TPM4: variants seen among roughly 807,000 people sequenced by gnomAD.
TPM4 encodes tropomyosin alpha-4 chain.
TPM4 carries 17 observed loss-of-function variants against 35.8 expected under a neutral mutation model. That is an observed-to-expected ratio of 0.47 (90% CI 0.32 to 0.71). TPM4 has a LOEUF of 0.71. Among genes scored for constraint, TPM4 ranks in the 30% least tolerant of loss-of-function variants. The pLI, the probability that TPM4 is intolerant of heterozygous loss-of-function variation, is 0.03. For synonymous variants in TPM4, 120 were observed against 122.9 expected (o/e 0.98, Z 0.15); for missense variants, 240 against 320.9 (o/e 0.75, Z 1.93).
intron 1 of TPM4, among the ~76,000 whole-genome samples, chr19:16,078,841 A>C (rs1015449212): frequency 1.1e-4 from 16 of 151,780 alleles, no homozygotes; most frequent in Non-Finnish European, 1.8e-4. Flanking sequence ...AAAAAAAAAA[A>C]AAAAAAAACC....
rs2090313381 is a variant in TPM4, at chr19:16,067,850, C to T, written c.114+112C>T. 3.1e-6 allele frequency: 3 copies of T among 983,138 alleles called. No homozygotes were observed. The highest frequency in any genetic ancestry group is 1.7e-5 in the African/African-American group (1 of 58,786). The allele number at this position is 983,138 out of a possible 1,614,324, so 60.9% of individuals were successfully genotyped here. ...CAGACACCTGCGGGAGGATAGGAGG[C>T]TGATGCTTTGGCGGAGGAAGAGCGA... On this transcript the variant is annotated intron_variant, in intron 2 of 2. Transcript: ENST00000589897. The surrounding 1 kb of genome is among the most constrained non-coding windows in gnomAD (Gnocchi z 4.1).
chr19:16,089,885 G>A (rs2090604642), intron 5 of TPM4, among the ~76,000 whole-genome samples: 1 of 151,270 alleles, frequency 6.6e-6, no homozygotes, highest in South Asian at 2.1e-4. Flanking sequence ...TTGAGACAGG[G>A]TCTCACTCTG....
intron 4 of TPM4, 33 bp downstream of exon 4, chr19:16,088,130 C>A: frequency 6.3e-7 from 1 of 1,596,130 alleles, no homozygotes; most frequent in Non-Finnish European, 8.5e-7. Context: ...GCGAGGCTGG[C>A]TCGATTCCTG....
chr19:16,092,434 T>C (rs1468029078), intron 5 of TPM4, among the ~76,000 whole-genome samples: 1 of 152,118 alleles, frequency 6.6e-6, no homozygotes, highest in Admixed American at 6.6e-5. Context: ...AGTTTAGGCC[T>C]TCTGATCAAT....
intron 4 of TPM4, 75 bp from the exon 5 acceptor site, chr19:16,088,970 T>G (rs2090592269): frequency 2.5e-6 from 4 of 1,602,932 alleles, no homozygotes; most frequent in Non-Finnish European, 3.4e-6. Flanking sequence ...TTTGGAAAAT[T>G]TATTGTTGGG....
intron 5 of TPM4, among the ~76,000 whole-genome samples, chr19:16,090,564 C>T (rs2090614313): frequency 6.6e-6 from 1 of 152,114 alleles, no homozygotes; most frequent in Non-Finnish European, 1.5e-5. Flanking sequence ...TCCTGTTCAT[C>T]CTTTGAGCTT....
At chr19:16,086,637 G>A (rs998261341) in intron 3 of TPM4, 97 bp downstream of exon 3, 17 of 995,718 alleles carry the variant, frequency 1.7e-5, no homozygotes, top group Middle Eastern at 2.2e-4. Flanking sequence ...GGAAGCTCTC[G>A]GTTAGGTCAG....
At chr19:16,089,307 T>C (rs1263080714) in intron 5 of TPM4, among the ~76,000 whole-genome samples, 187 bp downstream of exon 5, 1 of 152,162 alleles carries the variant, frequency 6.6e-6, no homozygotes, top group African/African-American at 2.4e-5. Flanking sequence ...TTGAGTCCTC[T>C]TCCATGGGGT....
At chr19:16,086,301 G>A in intron 2 of TPM4, 122 bp from the exon 3 acceptor site, 1 of 835,754 alleles carries the variant, frequency 1.2e-6, no homozygotes, top group Non-Finnish European at 2.0e-6. Context: ...AGTGAGCTGA[G>A]ATCGTGCCAC....
intron 7 of TPM4, among the ~76,000 whole-genome samples, 199 bp downstream of exon 7, chr19:16,093,952 CTTTTTTTTTTTT>C (rs35095689): frequency 2.8e-4 from 31 of 108,792 alleles, no homozygotes; most frequent in Non-Finnish European, 2.9e-4. Flanking sequence ...TTGAATGGCC[CTTTTTTTTTTTT>C]TTTTTTTTTT....
intron 7 of TPM4, chr19:16,095,172 C>G: frequency 4.8e-6 from 4 of 839,940 alleles, no homozygotes; most frequent in Non-Finnish European, 5.8e-6. Context: ...TTTTTTCTTC[C>G]TCTTGTGGTT....
intron 1 of TPM4, chr19:16,078,009 G>C (rs548657392): frequency 1.0e-5 from 4 of 391,158 alleles, no homozygotes; most frequent in Non-Finnish European, 1.8e-5. Flanking sequence ...TCCTGACCTC[G>C]TGATCTGCCC....
At chr19:16,092,034 G>T (rs562399523) in intron 5 of TPM4, among the ~76,000 whole-genome samples, 1 of 152,166 alleles carries the variant, frequency 6.6e-6, no homozygotes, top group East Asian at 1.9e-4. Context: ...AGCTGGGCAT[G>T]GTGGTGGGCG....
chr19:16,075,936 T>C, upstream of TPM4: 1 of 1,428,164 alleles, frequency 7.0e-7, no homozygotes, highest in East Asian at 2.5e-5. Context: ...AGGAAACTGA[T>C]GCCCAGAGAG....
chr19:16,078,237 A>T (rs2090436898), intron 1 of TPM4: 2 of 398,000 alleles, frequency 5.0e-6, no homozygotes, highest in Non-Finnish European at 4.4e-6. Flanking sequence ...TTATAGAATA[A>T]ATAAGTTTGC....
upstream of TPM4, among the ~76,000 whole-genome samples, chr19:16,071,571 G>A (rs924750825): frequency 6.6e-6 from 1 of 152,212 alleles, no homozygotes; most frequent in Non-Finnish European, 1.5e-5. Flanking sequence ...ATGGGAACAC[G>A]TGAGGCCTTC....
intron 7 of TPM4, chr19:16,100,683 T>G (rs897271158): frequency 6.6e-6 from 1 of 152,058 alleles, no homozygotes; most frequent in Non-Finnish European, 1.5e-5. Flanking sequence ...GGCCAGGTGG[T>G]GGCATGCACC....
intron 2 of TPM4, among the ~76,000 whole-genome samples, chr19:16,068,532 CTGTG>C (rs1206536458): frequency 6.6e-6 from 1 of 151,728 alleles, no homozygotes; most frequent in Non-Finnish European, 1.5e-5. Context: ...CTGTGTGTGT[CTGTG>C]TGTGTATCTG....
chr19:16,090,262 C>T (rs1205604049), intron 5 of TPM4, among the ~76,000 whole-genome samples: 1 of 151,158 alleles, frequency 6.6e-6, no homozygotes, highest in African/African-American at 2.4e-5. Context: ...GACTTGCAGG[C>T]ATGTGCCACT....
Sources: gnomAD v4.1 joint callset for allele counts (sites outside exome capture counted in the v4.1 genomes callset) on GRCh38, gnomAD v4.1.1 for gene constraint, Gnocchi (gnomAD v3.1) non-coding constraint, MANE v1.5 for transcripts, NCBI Gene and HGNC (gene_info 2026-07-23, HGNC 2026-07-21) for gene names.